Variants in MBD5 observed in about 807,000 individuals in gnomAD.
The protein encoded by MBD5 is methyl-CpG-binding domain protein 5.
MBD5 carries 13 observed loss-of-function variants against 117.3 expected under a neutral mutation model. The observed-to-expected ratio is 0.11, with a 90% CI of 0.07 to 0.18. The LOEUF (loss-of-function observed/expected upper bound fraction) is 0.18. MBD5 is among the 10% of genes least tolerant of loss of function. MBD5 has a pLI of 1.00. For synonymous variants in MBD5, 727 were observed against 766.4 expected (o/e 0.95, Z 0.85); for missense variants, 1,879 against 2,093.8 (o/e 0.90, Z 2.00).
intron 4 of MBD5, among the ~76,000 whole-genome samples, chr2:148,357,630 C>CT (rs1254882061): frequency 6.6e-6 from 1 of 151,686 alleles, no homozygotes; most frequent in East Asian, 1.9e-4. Flanking sequence ...CCTAACCCAC[C>CT]TTTTTTTTCT....
At chr2:148,297,800 G>A (rs188858857) in intron 3 of MBD5, among the ~76,000 whole-genome samples, 1 of 151,916 alleles carries the variant, frequency 6.6e-6, no homozygotes, top group Non-Finnish European at 1.5e-5. Flanking sequence ...GGAGATACTA[G>A]CCTCCTTTTG....
chr2:148,124,096 T>A (rs561976809), intron 1 of MBD5, among the ~76,000 whole-genome samples: 2 of 152,170 alleles, frequency 1.3e-5, no homozygotes, highest in Non-Finnish European at 2.9e-5. Context: ...CTGGCCAACA[T>A]GGCAAAACCC....
intron 4 of MBD5, among the ~76,000 whole-genome samples, chr2:148,454,171 C>T (rs544419663): frequency 6.6e-6 from 1 of 151,852 alleles, no homozygotes; most frequent in Admixed American, 6.6e-5. Flanking sequence ...GTAAAATGCC[C>T]AGGAAGAAAA....
chr2:148,330,588 G>T (rs1702620937), intron 3 of MBD5: 2 of 152,210 alleles, frequency 1.3e-5, no homozygotes, highest in African/African-American at 4.8e-5. Context: ...AAAGAAAAGA[G>T]ACGTGGTTTC....
chr2:148,159,182 G>A (rs908312205), intron 1 of MBD5, among the ~76,000 whole-genome samples: 8 of 152,146 alleles, frequency 5.3e-5, no homozygotes, highest in Admixed American at 3.9e-4. Flanking sequence ...TTCCAAATCC[G>A]TGCTTGTTCT....
chr2:148,053,227 G>A (rs1275705539), intron 1 of MBD5, among the ~76,000 whole-genome samples: 1 of 152,054 alleles, frequency 6.6e-6, no homozygotes, highest in Non-Finnish European at 1.5e-5. Flanking sequence ...GTTGATAACT[G>A]TTATATCTTC....
At chr2:148,071,989 TA>T (rs749504925) in intron 1 of MBD5, 3 of 152,198 alleles carry the variant, frequency 2.0e-5, no homozygotes, top group Non-Finnish European at 4.4e-5. Flanking sequence ...ACAGTACATT[TA>T]AAAAAGTCTT....
chr2:148,141,923 C>G (rs528059060), intron 1 of MBD5, among the ~76,000 whole-genome samples: 60 of 152,174 alleles, frequency 3.9e-4, no homozygotes, highest in African/African-American at 1.3e-3. Context: ...CTGCCATGAC[C>G]TATGATTGTG....
chr2:148,076,180 T>TTTGTTG (rs138392518), intron 1 of MBD5, among the ~76,000 whole-genome samples: 8 of 151,442 alleles, frequency 5.3e-5, no homozygotes, highest in African/African-American at 1.5e-4. Context: ...GTCGTCGTTT[T>TTTGTTG]TTGTTGTTGT....
chr2:148,143,457 T>G (rs1378425451), intron 1 of MBD5, among the ~76,000 whole-genome samples: 2 of 152,304 alleles, frequency 1.3e-5, no homozygotes, highest in South Asian at 2.1e-4. Context: ...TACATTGTAT[T>G]ATCTTGATAA....
intron 2 of MBD5, among the ~76,000 whole-genome samples, chr2:148,229,629 G>C (rs189746305): frequency 6.6e-6 from 1 of 152,104 alleles, no homozygotes; most frequent in Admixed American, 6.6e-5. Context: ...ACTCGTAGCT[G>C]TCCTTCTTGG....
intron 4 of MBD5, among the ~76,000 whole-genome samples, chr2:148,456,566 A>T (rs1022869102): frequency 1.3e-5 from 2 of 152,150 alleles, no homozygotes; most frequent in African/African-American, 4.8e-5. Flanking sequence ...AAACACAGAC[A>T]TGAACAGCAG....
chr2:148,274,002 A>T (rs1320224790), intron 3 of MBD5, among the ~76,000 whole-genome samples: 1 of 151,756 alleles, frequency 6.6e-6, no homozygotes, highest in Non-Finnish European at 1.5e-5. Flanking sequence ...AGTTTTTCTT[A>T]ATCTTTTTTT....
intron 2 of MBD5, among the ~76,000 whole-genome samples, chr2:148,182,586 AC>A (rs766964080): frequency 7.9e-5 from 12 of 152,202 alleles, no homozygotes; most frequent in Non-Finnish European, 7.4e-5. Flanking sequence ...AAAGGAATTT[AC>A]TGTTTCTTTT....
rs1706949705 is a variant in MBD5, at chr2:148,458,414, G to A, written c.-345G>A. On this transcript the variant is annotated 5_prime_UTR_variant, in exon 5 of 14. It removes an upstream start codon present in the reference 5' UTR. Coordinates refer to ENST00000642680, the MANE Select transcript of MBD5 (RefSeq NM_001378120.1). ...TACAACATCAAGGTTCAAGACAAAT[G>A]TTGAACTAAAAACTTTACACTCCCC... The A allele has an allele frequency of 3.7e-6, 2 of 543,478 alleles. No homozygotes were observed. Among genetic ancestry groups the A allele is most frequent in the Admixed American group, 3.2e-5 (1 of 30,798 alleles). The allele number at this position is 543,478 out of a possible 1,614,324, so 33.7% of individuals were successfully genotyped here. A position where few individuals can be genotyped will look rare whatever the true frequency, so the allele number is the denominator to read the frequency against.
intron 4 of MBD5, among the ~76,000 whole-genome samples, chr2:148,441,648 A>G (rs1406015650): frequency 6.6e-6 from 1 of 152,144 alleles, no homozygotes; most frequent in African/African-American, 2.4e-5. Flanking sequence ...GTCAAATGGT[A>G]TTTCTAGTTC....
intron 11 of MBD5, among the ~76,000 whole-genome samples, chr2:148,502,065 C>T (rs1457257379): frequency 6.6e-6 from 1 of 152,190 alleles, no homozygotes; most frequent in African/African-American, 2.4e-5. Flanking sequence ...CTTGTCTTCC[C>T]CTGATACTTA....
chr2:148,400,019 G>A (rs1034258819), intron 4 of MBD5, among the ~76,000 whole-genome samples: 1 of 152,070 alleles, frequency 6.6e-6, no homozygotes, highest in African/African-American at 2.4e-5. Flanking sequence ...TGATCATGGT[G>A]GATAAGCTTT....
chr2:148,312,175 C>T (rs1702047877), intron 3 of MBD5, among the ~76,000 whole-genome samples: 1 of 152,074 alleles, frequency 6.6e-6, no homozygotes, highest in Non-Finnish European at 1.5e-5. Flanking sequence ...CTCTGTAATT[C>T]CTGAGTTTGA....
Sources: allele counts gnomAD v4.1 joint callset (sites outside exome capture counted in the v4.1 genomes callset), GRCh38; gene constraint gnomAD v4.1.1; transcripts MANE v1.5; gene names NCBI Gene and HGNC (gene_info 2026-07-23, HGNC 2026-07-21).